The following PCDHA6 variants were observed in gnomAD, a reference collection of about 807,000 sequenced individuals.
The protein encoded by PCDHA6 is protocadherin alpha-6.
PCDHA6 carries 55 observed loss-of-function variants against 60.3 expected under a neutral mutation model. The ratio of observed to expected loss-of-function variants is 0.91; its 90% CI spans 0.73 to 1.14. The LOEUF (loss-of-function observed/expected upper bound fraction) is 1.14, where lower values mean the gene tolerates loss of function less well. Among genes scored for constraint, PCDHA6 ranks in the 50% most tolerant of loss-of-function variants. PCDHA6 has a pLI of 0.00. For synonymous variants in PCDHA6, 652 were observed against 557.9 expected (o/e 1.17, Z -2.38); for missense variants, 1,327 against 1,256.5 (o/e 1.06, Z -0.85).
intron 1 of PCDHA6, chr5:140,858,069 C>A: frequency 6.3e-7 from 1 of 1,597,662 alleles, no homozygotes; most frequent in Non-Finnish European, 8.6e-7. Flanking sequence ...GGCAGCCAGG[C>A]ACCCAAGGCC....
At chr5:140,878,933 A>G (rs2057778648) in intron 1 of PCDHA6, among the ~76,000 whole-genome samples, 2 of 152,224 alleles carry the variant, frequency 1.3e-5, no homozygotes, top group Admixed American at 1.3e-4. Context: ...AATAATTTTA[A>G]ATAAATATAT....
chr5:140,834,406 A>G, intron 1 of PCDHA6: 1 of 1,610,156 alleles, frequency 6.2e-7, no homozygotes, highest in Non-Finnish European at 8.5e-7. Context: ...AATGGATACG[A>G]CCCAGGGGGC....
chr5:141,006,921 A>G (rs1229765479), intron 3 of PCDHA6, among the ~76,000 whole-genome samples: 1 of 152,176 alleles, frequency 6.6e-6, no homozygotes, highest in Non-Finnish European at 1.5e-5. Context: ...TGCCCATGAG[A>G]TTTCCAACTG....
chr5:140,968,899 A>T (rs782594245), intron 1 of PCDHA6: 7 of 1,614,130 alleles, frequency 4.3e-6, no homozygotes, highest in Non-Finnish European at 5.1e-6. Flanking sequence ...TAATAATAGC[A>T]TTAAGCACAG....
chr5:140,971,529 T>G (rs782358590), intron 1 of PCDHA6, among the ~76,000 whole-genome samples: 1 of 152,176 alleles, frequency 6.6e-6, no homozygotes, highest in East Asian at 1.9e-4. Flanking sequence ...GTTCTGAAAG[T>G]CATCATTGCC....
intron 1 of PCDHA6, chr5:140,834,417 C>G (rs1772976539): frequency 6.2e-7 from 1 of 1,611,544 alleles, no homozygotes; most frequent in Non-Finnish European, 8.5e-7. Context: ...CCCAGGGGGC[C>G]GACATCTACT....
intron 1 of PCDHA6, chr5:140,834,860 T>C: frequency 6.2e-7 from 1 of 1,610,304 alleles, no homozygotes; most frequent in Non-Finnish European, 8.5e-7. Flanking sequence ...GCGCGTCCGA[T>C]GCAGATATCG....
At chr5:140,973,972 G>A (rs1467007704) in intron 1 of PCDHA6, among the ~76,000 whole-genome samples, 1 of 152,186 alleles carries the variant, frequency 6.6e-6, no homozygotes, top group Non-Finnish European at 1.5e-5. Flanking sequence ...TTTAAATGTG[G>A]CTTTTACAGA....
chr5:140,915,209 AG>A lies in PCDHA6; in HGVS notation c.2395-63739del, dbSNP rs2077027084. On this transcript the variant is annotated intron_variant, in intron 1 of 3. Coordinates refer to ENST00000529310, the MANE Select transcript of PCDHA6 (RefSeq NM_018909.4). ...TGATCCGCCCATCTTGGCCTCCCAAAGTGCTGGGATTACAGGCATGAGCCAC... is the reference window on the plus strand; with the variant it reads ...TGATCCGCCCATCTTGGCCTCCCAAATGCTGGGATTACAGGCATGAGCCAC... 2.6e-5 allele frequency among the ~76,000 whole-genome samples: 4 copies of A among 152,034 alleles called. No individual in the cohort carries two copies. The South Asian group carries it at 8.3e-4, about 32-fold the overall frequency.
intron 3 of PCDHA6, among the ~76,000 whole-genome samples, chr5:140,996,539 A>G (rs1023035245): frequency 2.6e-5 from 4 of 152,170 alleles, no homozygotes; most frequent in South Asian, 4.1e-4. Flanking sequence ...GTGTTTTGAT[A>G]TTATGCTGTC....
chr5:140,883,555 C>T, intron 1 of PCDHA6: 3 of 1,614,168 alleles, frequency 1.9e-6, no homozygotes, highest in Non-Finnish European at 2.5e-6. Context: ...CCGCGCGGGA[C>T]GGGGGCTCGC....
chr5:140,863,068 C>A, intron 1 of PCDHA6: 1 of 567,906 alleles, frequency 1.8e-6, no homozygotes. Context: ...CCACGTGGGG[C>A]TCTGCACGGG....
Position 140,829,633 on chromosome 5 carries a change from C to G in PCDHA6, c.1542C>G (p.Ser514Arg). ...LSSYISVHAE[S>R]GKVYALQPLD... ...GCTACATTTCGGTGCACGCGGAGAG[C>G]GGCAAGGTGTACGCGCTGCAGCCGC... Residue 514 changes from serine to arginine, a missense_variant, in exon 1 of 4, where the codon AGC (serine) becomes AGG (arginine). Coordinates refer to ENST00000529310, the MANE Select transcript of PCDHA6 (RefSeq NM_018909.4). 1 of 1,612,272 alleles carries G rather than the reference C, an allele frequency of 6.2e-7. No homozygotes were observed. Among genetic ancestry groups the G allele is most frequent in the Non-Finnish European group, 8.5e-7 (1 of 1,179,796 alleles).
chr5:140,870,329 A>G, intron 1 of PCDHA6: 1 of 1,614,160 alleles, frequency 6.2e-7, no homozygotes, highest in Non-Finnish European at 8.5e-7. Context: ...TTGGTGCTGG[A>G]CAGCGCCCTG....
At chr5:140,982,585 A>G (rs782780327) in intron 3 of PCDHA6, 22 bp downstream of exon 3, 1 of 1,611,974 alleles carries the variant, frequency 6.2e-7, no homozygotes, top group Non-Finnish European at 8.5e-7. Context: ...GGGTCTCTCC[A>G]TTCTTTCTTG....
intron 1 of PCDHA6, among the ~76,000 whole-genome samples, chr5:140,974,980 G>C (rs149148015): frequency 6.6e-6 from 1 of 152,090 alleles, no homozygotes; most frequent in African/African-American, 2.4e-5. Flanking sequence ...TGAGTTGTCC[G>C]CTCAGGTATT....
At chr5:140,883,333 G>T (rs1554177722) in intron 1 of PCDHA6, 1 of 1,614,066 alleles carries the variant, frequency 6.2e-7, no homozygotes, top group Non-Finnish European at 8.5e-7. Flanking sequence ...TCACTTCTTT[G>T]TCACTCCCCA....
intron 1 of PCDHA6, chr5:140,930,126 C>T (rs1286889846): frequency 6.6e-6 from 1 of 152,108 alleles, no homozygotes; most frequent in Non-Finnish European, 1.5e-5. Flanking sequence ...GGATATAGGA[C>T]TTGACAACCT....
intron 1 of PCDHA6, chr5:140,843,364 G>A: frequency 3.1e-6 from 5 of 1,596,132 alleles, no homozygotes; most frequent in Non-Finnish European, 4.3e-6. Context: ...CGTCATCGAG[G>A]CAGTCGGCTG....
Sources: gnomAD v4.1 joint callset for allele counts (sites outside exome capture counted in the v4.1 genomes callset) on GRCh38, gnomAD v4.1.1 for gene constraint, MANE v1.5 for transcripts, NCBI Gene and HGNC (gene_info 2026-07-23, HGNC 2026-07-21) for gene names.